The following NWD1 variants were observed in gnomAD, a reference collection of about 807,000 sequenced individuals.
The protein encoded by NWD1 is NACHT domain- and WD repeat-containing protein 1.
Under a neutral mutation model 135.1 loss-of-function variants are expected in NWD1, and 129 were observed. The observed-to-expected ratio is 0.96, with a 90% CI of 0.83 to 1.11. NWD1 has a LOEUF of 1.11. Ranked by LOEUF, NWD1 falls within the 50% of genes least tolerant of loss-of-function variation. The pLI is 0.00. For synonymous variants in NWD1, 773 were observed against 786.0 expected, an observed-to-expected ratio of 0.98 and a Z score of 0.28; for missense variants, 1,740 against 1,851.3, an observed-to-expected ratio of 0.94 and a Z score of 1.10.
intron 1 of NWD1, among the ~76,000 whole-genome samples, chr19:16,723,617 G>A (rs375923677): frequency 2.5e-4 from 38 of 152,242 alleles, no homozygotes; most frequent in African/African-American, 8.9e-4. Flanking sequence ...TGGCCCCTTG[G>A]CTGATTTTAA....
chr19:16,795,117 C>G (rs541183191), intron 15 of NWD1, among the ~76,000 whole-genome samples: 2 of 152,352 alleles, frequency 1.3e-5, no homozygotes, highest in African/African-American at 4.8e-5. Flanking sequence ...TTTTTCTTGG[C>G]CTCTTTGCCA....
intron 4 of NWD1, among the ~76,000 whole-genome samples, chr19:16,741,375 T>G (rs560955688): frequency 2.7e-5 from 4 of 149,780 alleles, no homozygotes; most frequent in African/African-American, 9.8e-5. Context: ...TGTGTTTTTT[T>G]TTTTTTTTTT....
At chr19:16,764,647 G>T (rs1022945411) in intron 9 of NWD1, among the ~76,000 whole-genome samples, 4 of 151,924 alleles carry the variant, frequency 2.6e-5, no homozygotes, top group African/African-American at 7.3e-5. Flanking sequence ...CTATCTTTCT[G>T]TTTGTCCATC....
chr19:16,734,639 C>G (rs890077646), intron 3 of NWD1, among the ~76,000 whole-genome samples: 1 of 151,270 alleles, frequency 6.6e-6, no homozygotes, highest in African/African-American at 2.4e-5. Context: ...TGCAGGCATG[C>G]AATCACAGCT....
chr19:16,797,021 A>C (rs1256433630), intron 15 of NWD1, among the ~76,000 whole-genome samples: 1 of 151,966 alleles, frequency 6.6e-6, no homozygotes, highest in African/African-American at 2.4e-5. Flanking sequence ...TCTACTAAAA[A>C]ATACAAAATT....
intron 1 of NWD1, among the ~76,000 whole-genome samples, chr19:16,723,410 G>T (rs760334940): frequency 6.6e-6 from 1 of 152,092 alleles, no homozygotes; most frequent in Non-Finnish European, 1.5e-5. Flanking sequence ...TGTTGCCCAG[G>T]CTGGTCTTGA....
intron 14 of NWD1, among the ~76,000 whole-genome samples, chr19:16,793,583 GT>G (rs35605941): frequency 0.71 from 101,678 of 142,566 alleles, 36,027 homozygotes; most frequent in Middle Eastern, 0.84. Flanking sequence ...GTTTTTGGTT[GT>G]TTTTTTTTTT....
At chr19:16,808,360 G>T (rs1970821346) in intron 18 of NWD1, among the ~76,000 whole-genome samples, 1 of 151,936 alleles carries the variant, frequency 6.6e-6, no homozygotes, top group African/African-American at 2.4e-5. Flanking sequence ...GACCAGCCTG[G>T]CCAACATGGT....
chr19:16,794,800 T>A (rs2547105), intron 15 of NWD1, among the ~76,000 whole-genome samples: 3 of 151,806 alleles, frequency 2.0e-5, no homozygotes, highest in Non-Finnish European at 4.4e-5. Context: ...CTTTTTTTTT[T>A]AAATAGGGTC....
chr19:16,752,216 T>G (rs1362313928), intron 6 of NWD1, among the ~76,000 whole-genome samples: 4 of 137,004 alleles, frequency 2.9e-5, no homozygotes, highest in Non-Finnish European at 5.9e-5. Flanking sequence ...AGTTTTAGGG[T>G]TGTTTTTTTT....
intron 4 of NWD1, among the ~76,000 whole-genome samples, chr19:16,741,588 C>T (rs1438574909): frequency 1.3e-5 from 2 of 151,592 alleles, no homozygotes; most frequent in East Asian, 2.0e-4. Flanking sequence ...AGGCTGGTCT[C>T]GAACTCCTGA....
intron 14 of NWD1, among the ~76,000 whole-genome samples, chr19:16,792,310 G>T (rs747169719): frequency 2.0e-4 from 30 of 152,094 alleles, no homozygotes; most frequent in Non-Finnish European, 3.5e-4. Context: ...GGAGGCTGAG[G>T]GGGGGTGGAT....
intron 12 of NWD1, among the ~76,000 whole-genome samples, chr19:16,787,318 A>T (rs1041079827): frequency 6.6e-6 from 1 of 152,118 alleles, no homozygotes; most frequent in African/African-American, 2.4e-5. Context: ...GATTATAAAA[A>T]TGATGAGAGA....
chr19:16,813,324 A>C (rs1457529851), intron 18 of NWD1, among the ~76,000 whole-genome samples: 2 of 152,278 alleles, frequency 1.3e-5, no homozygotes, highest in Admixed American at 1.3e-4. Flanking sequence ...GTGTTTGTGA[A>C]GGTTCCTTCA....
intron 10 of NWD1, among the ~76,000 whole-genome samples, chr19:16,768,232 G>A (rs2122923468): frequency 6.6e-6 from 1 of 152,218 alleles, no homozygotes; most frequent in South Asian, 2.1e-4. Context: ...CTGACCTCAT[G>A]TGATCTGCCC....
chr19:16,807,572 T>C lies in NWD1; in HGVS notation c.3737-14T>C, dbSNP rs183382303. The C allele has an allele frequency of 1.3e-6, 2 of 1,516,154 alleles. No individual in the cohort carries two copies. The highest frequency in any genetic ancestry group is 2.8e-5 in the African/African-American group (2 of 71,748). 93.9% of individuals were successfully genotyped at this position (1,516,154 alleles called of 1,614,324 possible). On this transcript the variant is annotated splice_polypyrimidine_tract_variant and intron_variant, in intron 17 of 18. Transcript: ENST00000524140. ...CTCTCAGTGTAAGTCATTCTCATTT[T>C]TCTTCCCTGGCAGGCGAGGAACAAG...
At chr19:16,767,643 G>C (rs879733083) in intron 10 of NWD1, among the ~76,000 whole-genome samples, 1 of 151,894 alleles carries the variant, frequency 6.6e-6, no homozygotes, top group Admixed American at 6.6e-5. Context: ...ATCAGATCTC[G>C]TGAAAACTCA....
At chr19:16,725,252 T>C (rs1967283052) in intron 2 of NWD1, among the ~76,000 whole-genome samples, 1 of 151,306 alleles carries the variant, frequency 6.6e-6, no homozygotes, top group Admixed American at 6.6e-5. Context: ...GATTCGCCTG[T>C]CTTGGACTCC....
intron 2 of NWD1, among the ~76,000 whole-genome samples, chr19:16,728,671 G>A (rs981104238): frequency 2.6e-5 from 4 of 151,884 alleles, no homozygotes; most frequent in African/African-American, 9.7e-5. Context: ...CAGGCCGGGT[G>A]CAGTGGCTCA....
Sources: allele counts gnomAD v4.1 joint callset (sites outside exome capture counted in the v4.1 genomes callset), GRCh38; gene constraint gnomAD v4.1.1; transcripts MANE v1.5; gene names NCBI Gene and HGNC (gene_info 2026-07-23, HGNC 2026-07-21).